CAMK2D: variants seen among roughly 807,000 people sequenced by gnomAD.
CAMK2D encodes the protein calcium/calmodulin dependent protein kinase II delta, also known as calcium/calmodulin-dependent protein kinase type II subunit delta.
Under a neutral mutation model 84.0 loss-of-function variants are expected in CAMK2D, and 37 were observed. That is an observed-to-expected ratio of 0.44 (90% CI 0.34 to 0.58). The LOEUF (loss-of-function observed/expected upper bound fraction) is 0.58. Ranked by LOEUF, CAMK2D falls within the 20% of genes least tolerant of loss-of-function variation. The probability of loss-of-function intolerance (pLI) is 0.02; values close to 1 mark genes in which losing one functional copy is unlikely to be tolerated. For synonymous variants in CAMK2D, 202 were observed against 212.5 expected, an observed-to-expected ratio of 0.95 and a Z score of 0.43; for missense variants, 448 against 652.5, an observed-to-expected ratio of 0.69 and a Z score of 3.41.
intron 2 of CAMK2D, among the ~76,000 whole-genome samples, chr4:113,750,135 G>A (rs1000081374): frequency 2.6e-5 from 4 of 152,184 alleles, no homozygotes; most frequent in African/African-American, 9.7e-5. Context: ...GAGAAATCTG[G>A]CAAGCTCCAT....
rs1294323307 is a variant in CAMK2D at position 113,452,927 on chromosome 4, C to T, written c.*1618G>A. The T allele has an allele frequency of 3.3e-5, 5 of 152,516 alleles. No individual in the cohort carries two copies. Among genetic ancestry groups the T allele is most frequent in the Admixed American group, 6.6e-5 (1 of 15,252 alleles). 9.4% of individuals were successfully genotyped at this position (152,516 alleles called of 1,614,324 possible). On this transcript the variant is annotated 3_prime_UTR_variant, in exon 21 of 21. Transcript: ENST00000511664. ...AATATCTAAGATGATTAGTAATCAACACAGAGAGGTGAGATGAGAGAAAAG... is the reference window on the plus strand; with the variant it reads ...AATATCTAAGATGATTAGTAATCAATACAGAGAGGTGAGATGAGAGAAAAG...
At chr4:113,456,178 C>A (rs2097301255) in intron 19 of CAMK2D, among the ~76,000 whole-genome samples, 1 of 152,128 alleles carries the variant, frequency 6.6e-6, no homozygotes. Context: ...ATACAGAAGG[C>A]CTCTGAAAAC....
chr4:113,578,430 T>TCA (rs1416840826), intron 4 of CAMK2D, among the ~76,000 whole-genome samples: 3 of 152,196 alleles, frequency 2.0e-5, no homozygotes, highest in Non-Finnish European at 2.9e-5. Flanking sequence ...ACTGTGCCAC[T>TCA]CACTCTGTTC....
At chr4:113,731,045 T>A (rs1220696853) in intron 2 of CAMK2D, among the ~76,000 whole-genome samples, 3 of 151,890 alleles carry the variant, frequency 2.0e-5, no homozygotes, top group Admixed American at 2.0e-4. Flanking sequence ...ACCCTCAGAT[T>A]TTATTTGTCA....
At chr4:113,581,936 G>T (rs1210136215) in intron 4 of CAMK2D, among the ~76,000 whole-genome samples, 1 of 152,178 alleles carries the variant, frequency 6.6e-6, no homozygotes, top group Non-Finnish European at 1.5e-5. Flanking sequence ...AAGGTACTAT[G>T]CTCATCTCCC....
intron 2 of CAMK2D, among the ~76,000 whole-genome samples, chr4:113,721,653 C>T (rs905410933): frequency 6.6e-6 from 1 of 152,152 alleles, no homozygotes; most frequent in South Asian, 2.1e-4. Flanking sequence ...GATACACAAG[C>T]CTCTTCAGAG....
intron 3 of CAMK2D, among the ~76,000 whole-genome samples, chr4:113,613,285 C>T (rs971029892): frequency 6.6e-6 from 1 of 152,048 alleles, no homozygotes; most frequent in Non-Finnish European, 1.5e-5. Context: ...ATTGGCCTGG[C>T]TAGGACCAAA....
chr4:113,578,769 G>C (rs945715435), intron 4 of CAMK2D, among the ~76,000 whole-genome samples: 4 of 152,052 alleles, frequency 2.6e-5, no homozygotes, highest in Admixed American at 6.6e-5. Context: ...AAAAGTCATC[G>C]TAAGATTTTA....
At chr4:113,609,451 T>C (rs1040850491) in intron 3 of CAMK2D, among the ~76,000 whole-genome samples, 2 of 152,202 alleles carry the variant, frequency 1.3e-5, no homozygotes, top group African/African-American at 4.8e-5. Context: ...TGTAATGATA[T>C]TAGTACCTAT....
chr4:113,634,999 A>G (rs536484401), intron 3 of CAMK2D, among the ~76,000 whole-genome samples: 1 of 152,200 alleles, frequency 6.6e-6, no homozygotes, highest in Non-Finnish European at 1.5e-5. Flanking sequence ...GCAAGGCGGC[A>G]ATGTAATTTT....
chr4:113,669,851 G>T (rs1036731093), intron 2 of CAMK2D, among the ~76,000 whole-genome samples: 3 of 152,152 alleles, frequency 2.0e-5, no homozygotes, highest in African/African-American at 7.2e-5. Flanking sequence ...AGGAGAAAGA[G>T]GATCCAAGCA....
At chr4:113,592,977 C>T (rs1459330362) in intron 4 of CAMK2D, among the ~76,000 whole-genome samples, 1 of 152,100 alleles carries the variant, frequency 6.6e-6, no homozygotes. Flanking sequence ...CCTCAGCCTC[C>T]CAAGTAGCTG....
intron 2 of CAMK2D, among the ~76,000 whole-genome samples, chr4:113,695,977 C>T (rs1045084302): frequency 2.6e-5 from 4 of 152,084 alleles, no homozygotes; most frequent in Non-Finnish European, 5.9e-5. Context: ...CACTGGTCTC[C>T]TTGCTTCTCT....
At chr4:113,639,640 G>A (rs2099124232) in intron 3 of CAMK2D, among the ~76,000 whole-genome samples, 1 of 152,004 alleles carries the variant, frequency 6.6e-6, no homozygotes, top group Non-Finnish European at 1.5e-5. Context: ...AAACAGAAAG[G>A]AGGAGTTCAG....
intron 12 of CAMK2D, 63 bp from the exon 13 acceptor site, chr4:113,509,738 A>C: frequency 8.3e-7 from 1 of 1,204,684 alleles, no homozygotes; most frequent in Non-Finnish European, 1.2e-6. Flanking sequence ...CCAGACAACA[A>C]AGCAGTCAGG....
At chr4:113,722,665 G>A (rs1294954832) in intron 2 of CAMK2D, among the ~76,000 whole-genome samples, 3 of 152,154 alleles carry the variant, frequency 2.0e-5, no homozygotes, top group Middle Eastern at 3.4e-3. Context: ...TATTGGGGAC[G>A]ACATCAAGTG....
intron 4 of CAMK2D, among the ~76,000 whole-genome samples, chr4:113,565,486 A>G (rs1199991956): frequency 1.3e-5 from 2 of 152,046 alleles, no homozygotes; most frequent in Admixed American, 6.5e-5. Context: ...CCCCGTCTCT[A>G]CCAAAAATAC....
intron 2 of CAMK2D, among the ~76,000 whole-genome samples, chr4:113,700,187 C>T (rs1270225579): frequency 6.6e-6 from 1 of 152,106 alleles, no homozygotes; most frequent in East Asian, 1.9e-4. Flanking sequence ...AAGAGGCAAC[C>T]ATTTCCCTGC....
chr4:113,742,108 G>A (rs190646890), intron 2 of CAMK2D, among the ~76,000 whole-genome samples: 30 of 152,094 alleles, frequency 2.0e-4, no homozygotes, highest in Admixed American at 2.0e-4. Context: ...CCTACCCCCT[G>A]AATCAAGAAC....
Sources: allele counts gnomAD v4.1 joint callset (sites outside exome capture counted in the v4.1 genomes callset), GRCh38; gene constraint gnomAD v4.1.1; transcripts MANE v1.5; gene names NCBI Gene and HGNC (gene_info 2026-07-23, HGNC 2026-07-21).